Variants in NUP35 observed in about 807,000 individuals in gnomAD.
NUP35 encodes the protein nucleoporin 35.
Under a neutral mutation model 41.5 loss-of-function variants are expected in NUP35, and 25 were observed. That is an observed-to-expected ratio of 0.60 (90% confidence interval 0.44 to 0.84). NUP35 has a LOEUF of 0.84. Among genes scored for constraint, NUP35 ranks in the 40% least tolerant of loss-of-function variants. The pLI is 0.00. For synonymous variants in NUP35, 149 were observed against 130.7 expected (o/e 1.14, Z -0.96); for missense variants, 396 against 396.6 (o/e 1.00, Z 0.01).
At chr2:183,158,240 T>G (rs1404986122) in intron 6 of NUP35, 43 bp from the exon 7 acceptor site, 3 of 1,313,442 alleles carry the variant, frequency 2.3e-6, no homozygotes, top group Non-Finnish European at 3.0e-6. Context: ...AGATGTAGAT[T>G]TTATATATTT....
upstream of NUP35, chr2:183,124,387 G>C (rs1045962501): frequency 1.1e-5 from 17 of 1,613,440 alleles, no homozygotes; most frequent in Non-Finnish European, 1.4e-5. Flanking sequence ...GCCGTTACCC[G>C]TGGGGAGCGT....
At chr2:183,122,680 A>C (rs2105527188), upstream of NUP35, among the ~76,000 whole-genome samples, 1 of 151,764 alleles carries the variant, frequency 6.6e-6, no homozygotes, top group East Asian at 2.0e-4. Context: ...ACTATCTCAA[A>C]CTCCTGGACT....
intron 7 of NUP35, among the ~76,000 whole-genome samples, chr2:183,158,829 T>A (rs1017126520): frequency 2.6e-5 from 4 of 152,176 alleles, no homozygotes; most frequent in Non-Finnish European, 5.9e-5. Context: ...CTTTTAAATG[T>A]CAAAGGTTTT....
intron 4 of NUP35, among the ~76,000 whole-genome samples, chr2:183,140,860 A>C (rs1379268079): frequency 6.6e-6 from 1 of 151,122 alleles, no homozygotes; most frequent in Non-Finnish European, 1.5e-5. Context: ...ATAGAACTTT[A>C]ATACAACAAA....
upstream of NUP35, among the ~76,000 whole-genome samples, chr2:183,119,709 G>A (rs1700040162): frequency 6.6e-6 from 1 of 152,106 alleles, no homozygotes; most frequent in African/African-American, 2.4e-5. Flanking sequence ...GCAGGGAACA[G>A]GGTCCAGCTC....
At chr2:183,152,377 A>G (rs2105605240) in intron 5 of NUP35, among the ~76,000 whole-genome samples, 1 of 152,218 alleles carries the variant, frequency 6.6e-6, no homozygotes, top group East Asian at 1.9e-4. Flanking sequence ...ACTTTGGGGC[A>G]CCCATCTCCT....
At chr2:183,118,053 A>T (rs1327627382) in intron 1 of NUP35, among the ~76,000 whole-genome samples, 1 of 152,090 alleles carries the variant, frequency 6.6e-6, no homozygotes, top group Non-Finnish European at 1.5e-5. Context: ...TCCCCTCCCA[A>T]CTGGGCAGTT....
At chr2:183,148,842 T>C (rs1026845093) in intron 4 of NUP35, among the ~76,000 whole-genome samples, 28 of 152,080 alleles carry the variant, frequency 1.8e-4, no homozygotes, top group Non-Finnish European at 3.7e-4. Context: ...GTATTTTTAG[T>C]AGAGATAAGG....
chr2:183,122,959 A>G (rs1260053625), upstream of NUP35, among the ~76,000 whole-genome samples: 1 of 152,230 alleles, frequency 6.6e-6, no homozygotes, highest in East Asian at 1.9e-4. Flanking sequence ...ATATTGAAAT[A>G]GTAAGATTAT....
At chr2:183,122,180 G>A (rs973474610), upstream of NUP35, among the ~76,000 whole-genome samples, 2 of 151,734 alleles carry the variant, frequency 1.3e-5, no homozygotes, top group East Asian at 1.9e-4. Context: ...GGGTTCAAGC[G>A]ATTCTCCTGC....
intron 5 of NUP35, 44 bp from the exon 6 acceptor site, chr2:183,157,400 G>C (rs756365648): frequency 7.4e-7 from 1 of 1,356,430 alleles, no homozygotes; most frequent in Non-Finnish European, 1.1e-6. Flanking sequence ...CATTCACATT[G>C]ATAGTAGAAG....
intron 6 of NUP35, 77 bp downstream of exon 6, chr2:183,157,590 A>C (rs556545078): frequency 1.0e-6 from 1 of 1,001,456 alleles, no homozygotes; most frequent in South Asian, 1.4e-5. Flanking sequence ...CTGCTTCTGA[A>C]TTTTGTGGGT....
At chr2:183,153,194 G>C (rs1330262794) in intron 5 of NUP35, among the ~76,000 whole-genome samples, 2 of 152,158 alleles carry the variant, frequency 1.3e-5, no homozygotes, top group Admixed American at 6.5e-5. Flanking sequence ...GGGAATTCCG[G>C]GAGATATAAT....
intron 8 of NUP35, chr2:183,159,888 A>G (rs1685809221): frequency 2.3e-6 from 1 of 439,838 alleles, no homozygotes; most frequent in Admixed American, 4.2e-5. Flanking sequence ...ATTTTTTGAA[A>G]GTTGTTTTAG....
At chr2:183,144,865 G>A (rs1174380752) in intron 4 of NUP35, among the ~76,000 whole-genome samples, 1 of 152,172 alleles carries the variant, frequency 6.6e-6, no homozygotes, top group East Asian at 1.9e-4. Flanking sequence ...CAGAGTAGTT[G>A]ACAGGGCAAA....
At chr2:183,140,835 A>G (rs1251028868) in intron 4 of NUP35, among the ~76,000 whole-genome samples, 3 of 151,908 alleles carry the variant, frequency 2.0e-5, no homozygotes, top group Non-Finnish European at 2.9e-5. Flanking sequence ...AAAAAAAAAA[A>G]AAAAGGAAAA....
chr2:183,122,633 G>C (rs966000292), upstream of NUP35, among the ~76,000 whole-genome samples: 2 of 151,962 alleles, frequency 1.3e-5, no homozygotes, highest in Non-Finnish European at 2.9e-5. Context: ...AATTTGTATA[G>C]AAATTTCTTT....
At position 183,130,997 on chromosome 2, in the gene NUP35, T is replaced by A. The variant is rs1440778766; in HGVS notation, c.339+452T>A. ...TCTTTATTTTCTTCTTTTTTTAGGG[T>A]CCCCAACAGGGTCCTGATCAGTTGC... is the stretch of plus-strand genomic sequence containing the variant. On this transcript the variant is annotated intron_variant, in intron 3 of 8. Transcript: ENST00000295119. 4 of 1,060,214 alleles carry A rather than the reference T, an allele frequency of 3.8e-6. No homozygotes were observed. In the East Asian group the frequency reaches 1.8e-4, roughly 47 times the overall value. The allele number at this position is 1,060,214 out of a possible 1,614,324, so 65.7% of individuals were successfully genotyped here.
chr2:183,121,265 A>G (rs1700063265), upstream of NUP35, among the ~76,000 whole-genome samples: 1 of 152,150 alleles, frequency 6.6e-6, no homozygotes, highest in Non-Finnish European at 1.5e-5. Flanking sequence ...ACAGGAGCCA[A>G]TCTGCAATTA....
Sources: allele counts gnomAD v4.1 joint callset (sites outside exome capture counted in the v4.1 genomes callset), GRCh38; gene constraint gnomAD v4.1.1; transcripts MANE v1.5; gene names NCBI Gene and HGNC (gene_info 2026-07-23, HGNC 2026-07-21).